Variants in DLGAP2 observed in about 807,000 individuals in gnomAD.
The protein encoded by DLGAP2 is DLG associated protein 2.
DLGAP2 carries 26 observed loss-of-function variants against 100.3 expected under a neutral mutation model. The ratio of observed to expected loss-of-function variants is 0.26; its 90% confidence interval spans 0.19 to 0.36. The LOEUF (loss-of-function observed/expected upper bound fraction) is 0.36, where lower values mean the gene tolerates loss of function less well. Ranked by LOEUF, DLGAP2 falls within the 10% of genes least tolerant of loss-of-function variation. The pLI is 1.00. For missense variants in DLGAP2, 1,858 were observed against 1,453.2 expected (o/e 1.28, Z -4.53); for synonymous variants, 886 against 630.1 (o/e 1.41, Z -6.08).
chr8:813,585 A>T (rs1356090486), intron 1 of DLGAP2, among the ~76,000 whole-genome samples: 1 of 152,154 alleles, frequency 6.6e-6, no homozygotes, highest in African/African-American at 2.4e-5. Context: ...AGGTAAACTG[A>T]TATGGAAATT....
chr8:915,841 TGTCC>T (rs1390658962), intron 2 of DLGAP2, among the ~76,000 whole-genome samples: 2 of 148,540 alleles, frequency 1.3e-5, no homozygotes, highest in African/African-American at 5.0e-5. Flanking sequence ...CTCTTTTTTG[TGTCC>T]GTCCATCAGT....
At chr8:1,681,882 T>G (rs1798957314) in intron 12 of DLGAP2, among the ~76,000 whole-genome samples, 1 of 147,932 alleles carries the variant, frequency 6.8e-6, no homozygotes, top group African/African-American at 2.7e-5. Context: ...CGTTGAAGGC[T>G]CTGCCTTCCC....
chr8:868,570 A>G (rs550627805), intron 1 of DLGAP2, among the ~76,000 whole-genome samples: 8 of 152,340 alleles, frequency 5.3e-5, no homozygotes, highest in East Asian at 1.9e-4. Context: ...ATCCAGAAAA[A>G]GTGTCCATCA....
At chr8:1,610,661 AAG>A (rs1327495491) in intron 6 of DLGAP2, among the ~76,000 whole-genome samples, 1 of 132,322 alleles carries the variant, frequency 7.6e-6, no homozygotes. Flanking sequence ...TAAAGAAAAA[AAG>A]AGAGAAGAAT....
At chr8:951,968 C>G (rs987254066) in intron 2 of DLGAP2, among the ~76,000 whole-genome samples, 36 of 152,348 alleles carry the variant, frequency 2.4e-4, no homozygotes, top group African/African-American at 8.2e-4. Context: ...TTTGCTCCTG[C>G]TGATCCTGAC....
In DLGAP2 at chr8:1,697,110, A is replaced by C. The variant is rs138380589; in HGVS notation, c.2797-37A>C. The C allele has an allele frequency of 3.2e-4, 479 of 1,492,742 alleles. 3 individuals are homozygous for C. In the East Asian group the frequency reaches 9.6e-3, roughly 30 times the overall value. 92.5% of individuals were successfully genotyped at this position (1,492,742 alleles called of 1,614,324 possible). On this transcript the variant is annotated intron_variant, in intron 13 of 14. Coordinates refer to ENST00000637795, the MANE Select transcript of DLGAP2 (RefSeq NM_001346810.2). ...CTCCCCAGCCCTGTGCCCGCAGGAG[A>C]CTCTCCTGGCTCTGAACACCCTGTG... is the stretch of plus-strand genomic sequence containing the variant.
chr8:950,692 G>C (rs1037521153), intron 2 of DLGAP2, among the ~76,000 whole-genome samples: 3 of 149,772 alleles, frequency 2.0e-5, no homozygotes, highest in Non-Finnish European at 4.4e-5. Context: ...CACGATCTTG[G>C]CTCACTGCAA....
At chr8:1,088,902 C>T (rs535978999) in intron 2 of DLGAP2, among the ~76,000 whole-genome samples, 1 of 128,620 alleles carries the variant, frequency 7.8e-6, no homozygotes, top group African/African-American at 3.1e-5. Context: ...TCGCTCCCCC[C>T]GCCTCACTCT....
At chr8:1,361,297 C>T (rs1374510233) in intron 3 of DLGAP2, among the ~76,000 whole-genome samples, 2 of 152,240 alleles carry the variant, frequency 1.3e-5, no homozygotes, top group Non-Finnish European at 2.9e-5. Flanking sequence ...ATCACATTCT[C>T]CCCAACACAC....
intron 4 of DLGAP2, among the ~76,000 whole-genome samples, chr8:1,520,782 C>A (rs966059863): frequency 1.3e-5 from 2 of 152,132 alleles, no homozygotes; most frequent in East Asian, 3.8e-4. Flanking sequence ...GGACATCTTC[C>A]AAGTTTGGGC....
chr8:900,533 A>G (rs1317770451), intron 1 of DLGAP2, among the ~76,000 whole-genome samples: 1 of 152,180 alleles, frequency 6.6e-6, no homozygotes, highest in Non-Finnish European at 1.5e-5. Flanking sequence ...GCAAATATGC[A>G]GTGTGTGGGG....
At chr8:1,305,180 C>G (rs776173553) in intron 3 of DLGAP2, among the ~76,000 whole-genome samples, 1 of 152,172 alleles carries the variant, frequency 6.6e-6, no homozygotes, top group Non-Finnish European at 1.5e-5. Context: ...CAAGTGACTT[C>G]TTGACTCTTA....
At chr8:924,541 G>A (rs762874814) in intron 2 of DLGAP2, among the ~76,000 whole-genome samples, 4 of 152,028 alleles carry the variant, frequency 2.6e-5, no homozygotes, top group East Asian at 1.9e-4. Flanking sequence ...CAGAAACTTC[G>A]GGAAGCTGGC....
At chr8:1,039,457 G>A (rs557407396) in intron 2 of DLGAP2, among the ~76,000 whole-genome samples, 2 of 147,538 alleles carry the variant, frequency 1.4e-5, no homozygotes, top group East Asian at 2.0e-4. Flanking sequence ...TGGTTGGCTC[G>A]GTATGCATGT....
chr8:1,281,077 G>A (rs1309672848), intron 3 of DLGAP2, among the ~76,000 whole-genome samples: 1 of 152,196 alleles, frequency 6.6e-6, no homozygotes, highest in Non-Finnish European at 1.5e-5. Context: ...CTCAGAGAAT[G>A]CTGTAGGTTT....
At chr8:1,281,702 G>T (rs185594185) in intron 3 of DLGAP2, among the ~76,000 whole-genome samples, 3 of 152,318 alleles carry the variant, frequency 2.0e-5, no homozygotes, top group Admixed American at 2.0e-4. Flanking sequence ...CCCTAAGGAG[G>T]AGCTGACCAG....
intron 3 of DLGAP2, among the ~76,000 whole-genome samples, chr8:1,280,291 G>A (rs1470475902): frequency 3.3e-5 from 5 of 152,122 alleles, no homozygotes; most frequent in Non-Finnish European, 5.9e-5. Flanking sequence ...TTATAGCCGG[G>A]CTGTACTCGT....
chr8:1,428,100 A>G (rs1797288563), intron 3 of DLGAP2, among the ~76,000 whole-genome samples: 1 of 152,098 alleles, frequency 6.6e-6, no homozygotes, highest in African/African-American at 2.4e-5. Context: ...AGAGTACGCT[A>G]AATAAAATAA....
chr8:1,125,188 C>T (rs1398517495), intron 2 of DLGAP2, among the ~76,000 whole-genome samples: 1 of 152,180 alleles, frequency 6.6e-6, no homozygotes, highest in Non-Finnish European at 1.5e-5. Context: ...AAATGAGATA[C>T]TTACAGCTTC....
Sources: allele counts gnomAD v4.1 joint callset (sites outside exome capture counted in the v4.1 genomes callset), GRCh38; gene constraint gnomAD v4.1.1; transcripts MANE v1.5; gene names NCBI Gene and HGNC (gene_info 2026-07-23, HGNC 2026-07-21).